Variants in SLAMF6 observed in about 807,000 individuals in gnomAD.
SLAMF6 encodes the protein NK-T-B-antigen.
In SLAMF6, 21 loss-of-function variants were observed where a neutral mutation model predicts 38.3. That is an observed-to-expected ratio of 0.55 (90% CI 0.39 to 0.79). The LOEUF (loss-of-function observed/expected upper bound fraction) is 0.79, where lower values mean the gene tolerates loss of function less well. Ranked by LOEUF, SLAMF6 falls within the 30% of genes least tolerant of loss-of-function variation. The pLI is 0.00. For synonymous variants in SLAMF6, 152 were observed against 146.3 expected (o/e 1.04, Z -0.28); for missense variants, 341 against 385.3 (o/e 0.89, Z 0.96).
At chr1:160,509,652 T>C (rs1654374030) in intron 1 of SLAMF6, among the ~76,000 whole-genome samples, 1 of 151,272 alleles carries the variant, frequency 6.6e-6, no homozygotes. Context: ...TTAAAGTATA[T>C]TAAAAAAATA....
At chr1:160,501,846 G>A (rs1297992618) in intron 1 of SLAMF6, among the ~76,000 whole-genome samples, 1 of 151,650 alleles carries the variant, frequency 6.6e-6, no homozygotes, top group Non-Finnish European at 1.5e-5. Context: ...TTGGTACATG[G>A]GGAAGGGGAG....
chr1:160,486,641 C>A lies in SLAMF6; in HGVS notation c.*66G>T. On this transcript the variant is annotated 3_prime_UTR_variant, in exon 8 of 8. Coordinates refer to ENST00000368057, the MANE Select transcript of SLAMF6 (RefSeq NM_001184714.2). ...AACAACAGGAACCAAGCTTCCTGTT[C>A]TTTGTTCTGTCTCATGGGATCAGAA... is the stretch of plus-strand genomic sequence containing the variant. The A allele has an allele frequency of 1.3e-6, 2 of 1,501,478 alleles. No individual in the cohort carries two copies. Among genetic ancestry groups the A allele is most frequent in the South Asian group, 1.1e-5 (1 of 88,490 alleles). 93.0% of individuals were successfully genotyped at this position (1,501,478 alleles called of 1,614,324 possible). A position where few individuals can be genotyped will look rare whatever the true frequency, so the allele number is the denominator to read the frequency against.
Position 160,490,196 on chromosome 1 carries a change from A to C in SLAMF6, c.796+2T>G. On this transcript the variant is annotated splice_donor_variant, in intron 5 of 7. Transcript: ENST00000368057. LOFTEE classifies it high-confidence loss of function. ...TGGAGAGTTAAGAGTCTGAATGCTCACCGGGGCCCTGTGTTCGCTGAGTAG... is the reference window on the plus strand; with the variant it reads ...TGGAGAGTTAAGAGTCTGAATGCTCCCCGGGGCCCTGTGTTCGCTGAGTAG... 6.2e-7 allele frequency: 1 copy of C among 1,613,714 alleles called. No homozygotes were observed.
At chr1:160,488,987 C>T (rs1228470836) in intron 6 of SLAMF6, 101 bp downstream of exon 6, 5 of 1,082,640 alleles carry the variant, frequency 4.6e-6, no homozygotes, top group African/African-American at 3.1e-5. Flanking sequence ...TCTTCTCCTC[C>T]CCTCAGTGGT....
intron 1 of SLAMF6, among the ~76,000 whole-genome samples, chr1:160,500,819 G>C (rs886676389): frequency 1.3e-5 from 2 of 152,088 alleles, no homozygotes; most frequent in African/African-American, 4.8e-5. Flanking sequence ...GAATGTTAAA[G>C]CTCAGTTCCT....
chr1:160,513,660 C>A (rs1187380835), intron 1 of SLAMF6, among the ~76,000 whole-genome samples: 2 of 152,156 alleles, frequency 1.3e-5, no homozygotes, highest in Non-Finnish European at 2.9e-5. Context: ...TAACATCAGG[C>A]CTCTCAGCAG....
intron 1 of SLAMF6, among the ~76,000 whole-genome samples, chr1:160,522,039 A>G (rs1557953161): frequency 6.6e-6 from 1 of 152,180 alleles, no homozygotes; most frequent in Non-Finnish European, 1.5e-5. Flanking sequence ...TAGGTGCTCA[A>G]TGAATATTTA....
intron 1 of SLAMF6, among the ~76,000 whole-genome samples, chr1:160,497,575 C>T (rs944997400): frequency 2.0e-5 from 3 of 152,142 alleles, no homozygotes; most frequent in African/African-American, 7.2e-5. Flanking sequence ...GGGTATATCA[C>T]ACCCAGATAG....
chr1:160,520,627 A>G (rs2102073499), intron 1 of SLAMF6, among the ~76,000 whole-genome samples: 1 of 152,288 alleles, frequency 6.6e-6, no homozygotes, highest in South Asian at 2.1e-4. Flanking sequence ...GATTTTATTT[A>G]CAATTATTGT....
At position 160,504,747 on chromosome 1, in the gene SLAMF6, A is replaced by G. The variant is rs75912626; in HGVS notation, c.50-8354T>C. On this transcript the variant is annotated intron_variant, in intron 1 of 7. Coordinates refer to ENST00000368057, the MANE Select transcript of SLAMF6 (RefSeq NM_001184714.2). The stretch of plus-strand genomic sequence containing the variant: ...ACATTATAGTGGAGGCAAAAAATAG[A>G]TATGTCGAATGCCTGGGAAGAAAAG... 8.5e-3 allele frequency among the ~76,000 whole-genome samples: 1,296 copies of G among 152,298 alleles called. 25 individuals carry two copies. Among genetic ancestry groups the G allele is most frequent in the African/African-American group, 0.03 (1,247 of 41,556 alleles).
intron 1 of SLAMF6, among the ~76,000 whole-genome samples, chr1:160,519,381 C>T (rs1235433677): frequency 6.6e-6 from 1 of 152,140 alleles, no homozygotes; most frequent in African/African-American, 2.4e-5. Context: ...TAAAATGGTA[C>T]AGCCATTGTG....
At chr1:160,511,749 G>A (rs1320235269) in intron 1 of SLAMF6, among the ~76,000 whole-genome samples, 2 of 152,190 alleles carry the variant, frequency 1.3e-5, no homozygotes, top group Non-Finnish European at 2.9e-5. Flanking sequence ...GCTGTGGTTG[G>A]AGGATCCCAC....
intron 1 of SLAMF6, among the ~76,000 whole-genome samples, chr1:160,522,577 T>A (rs1461057318): frequency 6.6e-6 from 1 of 152,174 alleles, no homozygotes; most frequent in Admixed American, 6.5e-5. Flanking sequence ...TATAATGCAT[T>A]GCTGGACTAG....
At position 160,486,866 on chromosome 1, in the gene SLAMF6, A is replaced by G; in HGVS notation, c.952-112T>C. ...CTACAGAGAGGCAGATAATAGAGAT[A>G]TTGATAGCATAGGGCAGGATTAAAT... On this transcript the variant is annotated intron_variant, in intron 7 of 7. Transcript: ENST00000368057. The G allele has an allele frequency of 6.5e-6, 8 of 1,223,964 alleles. No individual in the cohort carries two copies. The South Asian group carries it at 1.0e-4, about 16-fold the overall frequency. The allele number at this position is 1,223,964 out of a possible 1,614,324, so 75.8% of individuals were successfully genotyped here.
chr1:160,487,012 A>T, intron 7 of SLAMF6, 92 bp downstream of exon 7: 1 of 1,199,332 alleles, frequency 8.3e-7, no homozygotes, highest in Non-Finnish European at 1.2e-6. Flanking sequence ...GTGCATCTGT[A>T]AAATGACCCT....
chr1:160,503,526 T>G, intron 1 of SLAMF6, among the ~76,000 whole-genome samples: 1 of 152,168 alleles, frequency 6.6e-6, no homozygotes, highest in East Asian at 1.9e-4. Flanking sequence ...TCACCTAATA[T>G]TAGCAATAGG....
chr1:160,487,778 A>G (rs1297277112), intron 6 of SLAMF6, among the ~76,000 whole-genome samples: 4 of 152,170 alleles, frequency 2.6e-5, no homozygotes, highest in Non-Finnish European at 5.9e-5. Context: ...TAAATTAATG[A>G]AGAAGTATTT....
At chr1:160,495,954 C>G in intron 2 of SLAMF6, 107 bp downstream of exon 2, 1 of 998,934 alleles carries the variant, frequency 1.0e-6, no homozygotes, top group Non-Finnish European at 1.5e-6. Context: ...ACTCCAAATG[C>G]CATATTCTTT....
intron 1 of SLAMF6, among the ~76,000 whole-genome samples, chr1:160,512,605 C>T (rs1014130358): frequency 4.6e-5 from 7 of 152,284 alleles, no homozygotes; most frequent in Admixed American, 4.6e-4. Flanking sequence ...GGAGCACTCC[C>T]ACTGTCATCA....
Sources: allele counts gnomAD v4.1 joint callset (sites outside exome capture counted in the v4.1 genomes callset), GRCh38; gene constraint gnomAD v4.1.1; transcripts MANE v1.5; gene names NCBI Gene and HGNC (gene_info 2026-07-23, HGNC 2026-07-21).